GRID2: variants seen among roughly 807,000 people sequenced by gnomAD.
GRID2 encodes glutamate receptor ionotropic, delta-2.
Under a neutral mutation model 114.8 loss-of-function variants are expected in GRID2, and 33 were observed. That is an observed-to-expected ratio of 0.29 (90% CI 0.22 to 0.38). The LOEUF is 0.38. GRID2 is among the 10% of genes least tolerant of loss of function. GRID2 has a pLI of 1.00. For missense variants in GRID2, 1,184 were observed against 1,257.7 expected (o/e 0.94, Z 0.89); for synonymous variants, 505 against 449.9 (o/e 1.12, Z -1.55).
intron 12 of GRID2, among the ~76,000 whole-genome samples, chr4:93,502,713 C>CA (rs1365307326): frequency 1.2e-4 from 14 of 118,428 alleles, no homozygotes; most frequent in African/African-American, 4.2e-4. Context: ...CCACTCCCCC[C>CA]CCCCACACAC....
At chr4:93,105,548 C>G (rs1404375332) in intron 3 of GRID2, among the ~76,000 whole-genome samples, 2 of 152,098 alleles carry the variant, frequency 1.3e-5, no homozygotes, top group East Asian at 3.9e-4. Flanking sequence ...TTTTTTAGAT[C>G]ACAAGTCTGA....
At chr4:92,924,101 G>A (rs1749606985) in intron 2 of GRID2, among the ~76,000 whole-genome samples, 2 of 152,134 alleles carry the variant, frequency 1.3e-5, no homozygotes. Context: ...CCTTTGTAGG[G>A]ACATGGATGA....
intron 1 of GRID2, among the ~76,000 whole-genome samples, chr4:92,488,299 A>C (rs555451482): frequency 5.3e-5 from 8 of 152,282 alleles, no homozygotes; most frequent in African/African-American, 1.9e-4. Context: ...CTATTATTCA[A>C]CCCATCGAAG....
intron 2 of GRID2, among the ~76,000 whole-genome samples, chr4:92,599,931 A>G (rs1406126552): frequency 6.6e-6 from 1 of 150,860 alleles, no homozygotes; most frequent in Non-Finnish European, 1.5e-5. Flanking sequence ...AGGCTCAGGC[A>G]GTAGAATCGC....
At chr4:93,651,086 G>T (rs1346259492) in intron 14 of GRID2, among the ~76,000 whole-genome samples, 1 of 152,114 alleles carries the variant, frequency 6.6e-6, no homozygotes, top group East Asian at 1.9e-4. Context: ...CACAGATTCT[G>T]CATCACCTCA....
chr4:92,389,182 A>G (rs956476678), intron 1 of GRID2, among the ~76,000 whole-genome samples: 1 of 128,848 alleles, frequency 7.8e-6, no homozygotes, highest in East Asian at 4.0e-4. Context: ...TAACTTCCAC[A>G]GTACTCTTTA....
rs150714199 is a variant in GRID2 at position 93,480,520 on chromosome 4, A to C, written c.1859-10119A>C. Reference sequence around the variant, plus strand: ...TATATTATGTAAATTATGTAAATAGAGGCACCTATTTTATTTTTAGGGTCA... The same window carrying C: ...TATATTATGTAAATTATGTAAATAGCGGCACCTATTTTATTTTTAGGGTCA... On this transcript the variant is annotated intron_variant, in intron 11 of 15. Transcript: ENST00000282020. Among the ~76,000 whole-genome samples the C allele has an allele frequency of 2.6e-5, 4 of 152,178 alleles. No individual in the cohort carries two copies. The East Asian group carries it at 5.8e-4, about 22-fold the overall frequency.
intron 8 of GRID2, among the ~76,000 whole-genome samples, chr4:93,385,448 C>T (rs926308777): frequency 6.6e-6 from 1 of 152,116 alleles, no homozygotes; most frequent in Non-Finnish European, 1.5e-5. Context: ...CTCTATGCTG[C>T]TGAGACTTAG....
In GRID2 at chr4:93,744,069, T is replaced by C. The variant is rs535290231; in HGVS notation, c.2361-25141T>C. Reference sequence around the variant, plus strand: ...GACAGCACATCTGTTTATAGCTTGGTTTATAACACATTTTAAGCCCAATGT... The same window carrying C: ...GACAGCACATCTGTTTATAGCTTGGCTTATAACACATTTTAAGCCCAATGT... On this transcript the variant is annotated intron_variant, in intron 14 of 15. Transcript: ENST00000282020. Among the ~76,000 whole-genome samples the C allele has an allele frequency of 4.6e-5, 7 of 152,296 alleles. No individual in the cohort carries two copies. The East Asian group carries it at 1.4e-3, about 29-fold the overall frequency.
intron 2 of GRID2, among the ~76,000 whole-genome samples, chr4:92,757,199 T>A (rs1375206239): frequency 2.0e-5 from 3 of 152,114 alleles, no homozygotes; most frequent in Non-Finnish European, 4.4e-5. Context: ...CCATTTATTA[T>A]GTTTTCAAAA....
At chr4:93,483,504 C>T (rs1432392067) in intron 11 of GRID2, among the ~76,000 whole-genome samples, 1 of 151,820 alleles carries the variant, frequency 6.6e-6, no homozygotes, top group Non-Finnish European at 1.5e-5. Flanking sequence ...GACTCTTCAA[C>T]AATTAATTGC....
At chr4:92,824,555 A>G (rs528082173) in intron 2 of GRID2, among the ~76,000 whole-genome samples, 17 of 152,130 alleles carry the variant, frequency 1.1e-4, no homozygotes, top group African/African-American at 3.6e-4. Context: ...TCAAAATTTA[A>G]TAACAGTTGA....
intron 7 of GRID2, among the ~76,000 whole-genome samples, chr4:93,227,944 T>C (rs1745688330): frequency 6.6e-6 from 1 of 152,334 alleles, no homozygotes; most frequent in Admixed American, 6.5e-5. Context: ...AGATTCAGAC[T>C]TTCTCTACAG....
intron 2 of GRID2, among the ~76,000 whole-genome samples, chr4:92,939,851 G>T (rs1226127177): frequency 2.0e-5 from 3 of 146,980 alleles, no homozygotes; most frequent in African/African-American, 7.3e-5. Context: ...GTTTTTGTCA[G>T]GTTTGTCAAA....
intron 2 of GRID2, among the ~76,000 whole-genome samples, chr4:92,696,470 T>C (rs1390985637): frequency 6.6e-6 from 1 of 152,150 alleles, no homozygotes; most frequent in Non-Finnish European, 1.5e-5. Flanking sequence ...TTTCCTTTTA[T>C]TTGTTAACTC....
intron 2 of GRID2, among the ~76,000 whole-genome samples, chr4:92,876,548 G>A (rs1006661831): frequency 6.6e-6 from 1 of 152,108 alleles, no homozygotes; most frequent in East Asian, 1.9e-4. Context: ...TTGTGGAGAC[G>A]CCCACCTCGG....
intron 8 of GRID2, among the ~76,000 whole-genome samples, chr4:93,352,259 C>A (rs1760877858): frequency 6.6e-6 from 1 of 151,670 alleles, no homozygotes; most frequent in Admixed American, 6.6e-5. Flanking sequence ...TAACTATATT[C>A]AAATATTAAC....
chr4:92,535,667 T>TA (rs1427468532), intron 1 of GRID2, among the ~76,000 whole-genome samples: 1 of 152,158 alleles, frequency 6.6e-6, no homozygotes, highest in Non-Finnish European at 1.5e-5. Context: ...CCATTATTAT[T>TA]AAAACAAGTG....
intron 9 of GRID2, among the ~76,000 whole-genome samples, chr4:93,414,597 T>C (rs1767521011): frequency 1.3e-5 from 2 of 151,950 alleles, no homozygotes; most frequent in Admixed American, 6.6e-5. Flanking sequence ...TGCTTTCTAA[T>C]TGAAGGTACA....
Sources: gnomAD v4.1 joint callset for allele counts (sites outside exome capture counted in the v4.1 genomes callset) on GRCh38, gnomAD v4.1.1 for gene constraint, MANE v1.5 for transcripts, NCBI Gene and HGNC (gene_info 2026-07-23, HGNC 2026-07-21) for gene names.